LOXHD1: variants seen among roughly 807,000 people sequenced by gnomAD.
LOXHD1 encodes the protein lipoxygenase homology domain-containing protein 1.
Under a neutral mutation model 248.2 loss-of-function variants are expected in LOXHD1, and 205 were observed. The ratio of observed to expected loss-of-function variants is 0.83; its 90% confidence interval spans 0.74 to 0.93. The LOEUF (loss-of-function observed/expected upper bound fraction) is 0.93, where lower values mean the gene tolerates loss of function less well. LOXHD1 is among the 40% of genes least tolerant of loss of function. The pLI, the probability that LOXHD1 is intolerant of heterozygous loss-of-function variation, is 0.00. For missense variants in LOXHD1, 2,930 were observed against 2,971.6 expected, an observed-to-expected ratio of 0.99 and a Z score of 0.33; for synonymous variants, 1,113 against 1,162.8, an observed-to-expected ratio of 0.96 and a Z score of 0.87.
chr18:46,536,480 T>TC (rs1428891176), intron 26 of LOXHD1, among the ~76,000 whole-genome samples: 6 of 150,238 alleles, frequency 4.0e-5, no homozygotes, highest in Non-Finnish European at 8.9e-5. Context: ...GCTCTCACAC[T>TC]CCCCCCAAAT....
intron 4 of LOXHD1, among the ~76,000 whole-genome samples, chr18:46,635,639 C>T (rs1467530369): frequency 6.6e-6 from 1 of 152,096 alleles, no homozygotes; most frequent in Non-Finnish European, 1.5e-5. Context: ...GCTAGCAATG[C>T]TATATGAGAT....
At position 46,560,171 on chromosome 18, in the gene LOXHD1, C is replaced by T. The variant is rs2144011222; in HGVS notation, c.2973G>A (p.Lys991=). The change falls in exon 19 of 41, where the codon AAG becomes AAA. Residue 991 remains lysine (K), a synonymous_variant. Coordinates refer to ENST00000642948, the MANE Select transcript of LOXHD1 (RefSeq NM_001384474.1). ...GGGCCAGCCAGCGGTGGGCTTCGAA[C>T]TTGTGCTGCTCAATCACCTCCTGCA... ...PGMQEVIEQH[K]FEAHRWLARG... 1 of 1,551,390 alleles carries T rather than the reference C, an allele frequency of 6.4e-7. No homozygotes were observed.
At position 46,593,627 on chromosome 18, in the gene LOXHD1, G is replaced by C; in HGVS notation, c.1404C>G (p.Phe468Leu). 1 of 1,552,276 alleles carries C rather than the reference G, an allele frequency of 6.4e-7. No homozygotes were observed. Among genetic ancestry groups the C allele is most frequent in the East Asian group, 2.4e-5 (1 of 40,922 alleles). Residue 468 changes from phenylalanine to leucine, a missense_variant, in exon 10 of 41, where the codon TTC becomes TTG. By Grantham distance (22) the Phe-to-Leu change is conservative. Transcript: ENST00000642948. ...TAAACTTCTCGATTATGCCGGGTTTGAACCACTTGTTGTTGGGATTCAGGA... is the reference window on the plus strand; with the variant it reads ...TAAACTTCTCGATTATGCCGGGTTTCAACCACTTGTTGTTGGGATTCAGGA... ...EILLNPNNKW[F>L]KPGIIEKFRI... is the part of the protein sequence containing the mutation.
intron 26 of LOXHD1, among the ~76,000 whole-genome samples, chr18:46,536,647 C>T (rs1382188981): frequency 1.3e-5 from 2 of 152,212 alleles, no homozygotes; most frequent in Non-Finnish European, 2.9e-5. Context: ...GGATGACTCA[C>T]GCACCATGAC....
rs2034833647 is a variant in LOXHD1 at position 46,509,734 on chromosome 18, A to G, written c.5481T>C (p.Asp1827=). The part of the protein sequence containing the change: ...APFTKMRIRI[D]GLGSRPEWFL... ...ACCACTCCGGCCGACTGCCCAGGCCATCAATCCGGATCCGCATCTTGGTGA... is the reference window on the plus strand; with the variant it reads ...ACCACTCCGGCCGACTGCCCAGGCCGTCAATCCGGATCCGCATCTTGGTGA... Residue 1827 remains aspartate (D), a synonymous_variant, in exon 35 of 41, where the codon GAT becomes GAC. Transcript: ENST00000642948. 1.3e-6 allele frequency: 2 copies of G among 1,551,672 alleles called. No homozygotes were observed. The highest frequency in any genetic ancestry group is 1.7e-6 in the Non-Finnish European group (2 of 1,146,990).
rs80287335 is a variant in LOXHD1, at chr18:46,543,211, T to C, written c.3620-356A>G. Among the ~76,000 whole-genome samples, 12 of 152,280 alleles carry C rather than the reference T, an allele frequency of 7.9e-5. No individual in the cohort carries two copies. The East Asian group carries it at 2.3e-3, about 29-fold the overall frequency. ...AGTCCCCACAGTCCATTATATCATTTTGTATGTTTTTGCATCCTCATAGCT... is the reference window on the plus strand; with the variant it reads ...AGTCCCCACAGTCCATTATATCATTCTGTATGTTTTTGCATCCTCATAGCT... On this transcript the variant is annotated intron_variant, in intron 23 of 40. Transcript: ENST00000642948.
At chr18:46,564,154 G>A (rs1406369411) in intron 17 of LOXHD1, among the ~76,000 whole-genome samples, 1 of 151,982 alleles carries the variant, frequency 6.6e-6, no homozygotes, top group Non-Finnish European at 1.5e-5. Flanking sequence ...CCATACAAGT[G>A]CTTGTGTATG....
At chr18:46,541,717 TG>T in intron 25 of LOXHD1, 58 bp downstream of exon 25, 1 of 1,527,948 alleles carries the variant, frequency 6.5e-7, no homozygotes, top group Non-Finnish European at 8.9e-7. Context: ...GGGGCTGAGT[TG>T]GGGTAGCTGG....
In LOXHD1 at chr18:46,483,748, G is replaced by A; in HGVS notation, c.6183-3C>T. The A allele has an allele frequency of 6.5e-7, 1 of 1,539,228 alleles. No homozygotes were observed. The highest frequency in any genetic ancestry group is 8.8e-7 in the Non-Finnish European group (1 of 1,138,688). ...ACTCAAACGTGTCTGTGGTCCCCCTGCAGGAAACAAAAGTGTGGTCCATGA... is the reference window on the plus strand; with the variant it reads ...ACTCAAACGTGTCTGTGGTCCCCCTACAGGAAACAAAAGTGTGGTCCATGA... On this transcript the variant is annotated splice_polypyrimidine_tract_variant and splice_region_variant and intron_variant, in intron 39 of 40. Coordinates refer to ENST00000642948, the MANE Select transcript of LOXHD1 (RefSeq NM_001384474.1).
intron 3 of LOXHD1, among the ~76,000 whole-genome samples, chr18:46,640,447 C>G (rs1395589218): frequency 6.6e-6 from 1 of 152,180 alleles, no homozygotes; most frequent in Non-Finnish European, 1.5e-5. Flanking sequence ...CCATCTAGAC[C>G]AGGGTGGTCC....
rs572240653 is a variant in LOXHD1, at chr18:46,501,248, A to G, written c.5878+4590T>C. On this transcript the variant is annotated intron_variant, in intron 37 of 40. Coordinates refer to ENST00000642948, the MANE Select transcript of LOXHD1 (RefSeq NM_001384474.1). ...CATATGCAGAGTGGCAAAAAATTTTAGTTGCCAAATGCCATGCACGTTCTC... is the reference window on the plus strand; with the variant it reads ...CATATGCAGAGTGGCAAAAAATTTTGGTTGCCAAATGCCATGCACGTTCTC... Among the ~76,000 whole-genome samples, 3 of 152,396 alleles carry G rather than the reference A, an allele frequency of 2.0e-5. No individual in the cohort carries two copies. In the South Asian group the frequency reaches 6.2e-4, roughly 32 times the overall value.
At chr18:46,648,841 G>A (rs1021462178) in intron 2 of LOXHD1, among the ~76,000 whole-genome samples, 2 of 152,156 alleles carry the variant, frequency 1.3e-5, no homozygotes, top group Admixed American at 1.3e-4. Flanking sequence ...CCAAGGCCCC[G>A]AGTGCAGAGA....
chr18:46,550,185 A>G (rs2037028496), intron 21 of LOXHD1, among the ~76,000 whole-genome samples: 1 of 152,212 alleles, frequency 6.6e-6, no homozygotes, highest in Non-Finnish European at 1.5e-5. Context: ...AAACCCAAAT[A>G]TTAGAGGCTC....
At chr18:46,526,508 C>T (rs900563339) in intron 29 of LOXHD1, among the ~76,000 whole-genome samples, 14 of 152,150 alleles carry the variant, frequency 9.2e-5, no homozygotes, top group Admixed American at 3.3e-4. Context: ...CATGTAAGCA[C>T]AGAAAATGTT....
At chr18:46,489,193 C>A in intron 37 of LOXHD1, 51 bp from the exon 38 acceptor site, 1 of 1,536,046 alleles carries the variant, frequency 6.5e-7, no homozygotes. Context: ...CTTCCCTCCC[C>A]TTTCAGACTT....
At position 46,562,523 on chromosome 18, in the gene LOXHD1, T is replaced by C. The variant is rs377722250; in HGVS notation, c.2598+542A>G. On this transcript the variant is annotated intron_variant, in intron 18 of 40. Coordinates refer to ENST00000642948, the MANE Select transcript of LOXHD1 (RefSeq NM_001384474.1). ...GACTTGGAAAGGAAGAACGGAGACCTGGGATACTCAGGAAACAGCCATAAA... is the reference window on the plus strand; with the variant it reads ...GACTTGGAAAGGAAGAACGGAGACCCGGGATACTCAGGAAACAGCCATAAA... Among the ~76,000 whole-genome samples, 5 of 152,338 alleles carry C rather than the reference T, an allele frequency of 3.3e-5. No homozygotes were observed. In the East Asian group the frequency reaches 5.8e-4, roughly 18 times the overall value.
intron 11 of LOXHD1, 54 bp from the exon 12 acceptor site, chr18:46,592,122 G>A: frequency 1.9e-6 from 3 of 1,547,998 alleles, no homozygotes; most frequent in Non-Finnish European, 2.6e-6. Context: ...GTTCACCGAT[G>A]CCCTGCAGTC....
At chr18:46,559,351 A>G (rs2144001177) in intron 20 of LOXHD1, 97 bp downstream of exon 20, 1 of 1,549,264 alleles carries the variant, frequency 6.5e-7, no homozygotes, top group Non-Finnish European at 8.7e-7. Flanking sequence ...CACACTGCCA[A>G]ACACAGCAGC....
At chr18:46,528,033 G>A (rs1488387265) in intron 29 of LOXHD1, among the ~76,000 whole-genome samples, 3 of 152,186 alleles carry the variant, frequency 2.0e-5, no homozygotes, top group Non-Finnish European at 4.4e-5. Context: ...GACCCACTTA[G>A]ATGACACCCA....
Sources: allele counts gnomAD v4.1 joint callset (sites outside exome capture counted in the v4.1 genomes callset), GRCh38; gene constraint gnomAD v4.1.1; transcripts MANE v1.5; gene names NCBI Gene and HGNC (gene_info 2026-07-23, HGNC 2026-07-21).